Variants in HGS observed in about 807,000 individuals in gnomAD.
HGS encodes human growth factor-regulated tyrosine kinase substrate.
Under a neutral mutation model 109.7 loss-of-function variants are expected in HGS, and 63 were observed. The observed-to-expected ratio is 0.57, with a 90% confidence interval of 0.47 to 0.71. The LOEUF is 0.71. Among genes scored for constraint, HGS ranks in the 30% least tolerant of loss-of-function variants. HGS has a pLI of 0.00. For missense variants in HGS, 995 were observed against 1,068.3 expected, an observed-to-expected ratio of 0.93 and a Z score of 0.96; for synonymous variants, 546 against 437.3, an observed-to-expected ratio of 1.25 and a Z score of -3.10.
At chr17:81,697,349 G>GGCC (rs2037168001) in intron 18 of HGS, 1 of 61,802 alleles carries the variant, frequency 1.6e-5, no homozygotes, top group African/African-American at 7.6e-5. Flanking sequence ...CGTGGCATTT[G>GGCC]CCCCCCCCCC....
rs1276780004 is a variant in HGS at position 81,688,743 on chromosome 17, C to T, written c.331C>T (p.Leu111=). 1 of 1,614,118 alleles carries T rather than the reference C, an allele frequency of 6.2e-7. No homozygotes were observed. The highest frequency in any genetic ancestry group is 8.5e-7 in the Non-Finnish European group (1 of 1,179,992). ...EVNVRNKILY[L]IQAWAHAFRN... ...AAACGTCCGTAACAAGATCCTGTAC[C>T]TGATCCAGGCCTGGGCGCATGCCTT... is the stretch of plus-strand genomic sequence containing the variant. Residue 111 remains leucine, a synonymous_variant, in exon 5 of 22, where the codon CTG becomes TTG. Transcript: ENST00000329138.
rs1298092014 is a variant in HGS, at chr17:81,700,544, C to T, written c.1960C>T (p.Pro654Ser). 1.2e-6 allele frequency: 2 copies of T among 1,610,872 alleles called. No individual in the cohort carries two copies. Among genetic ancestry groups the T allele is most frequent in the South Asian group, 1.1e-5 (1 of 90,774 alleles). The change falls in exon 19 of 22, where the codon CCC becomes TCC. Residue 654 changes from proline to serine, a missense_variant. Coordinates refer to ENST00000329138, the MANE Select transcript of HGS (RefSeq NM_004712.5). Reference sequence around the variant, plus strand: ...GGCGGCCCCCCAGGCCCAGGCCGGACCCACCGCCAGCCCCGCTTACTCATC... The same window carrying T: ...GGCGGCCCCCCAGGCCCAGGCCGGATCCACCGCCAGCCCCGCTTACTCATC... ...AQAAPQAQAGPTASPAYSSYQ... is the reference protein window; with the variant it reads ...AQAAPQAQAGSTASPAYSSYQ...
rs1476517329 is a variant in HGS, at chr17:81,700,738, A to G, written c.2060A>G (p.Gln687Arg). 8 of 1,611,318 alleles carry G rather than the reference A, an allele frequency of 5.0e-6. No homozygotes were observed. Among genetic ancestry groups the G allele is most frequent in the South Asian group, 1.1e-5 (1 of 91,006 alleles). Reference protein sequence around the residue: ...QAPQSLPAISQPPQSSTMGYM... With the variant: ...QAPQSLPAISRPPQSSTMGYM... ...CCACAGAGCCTCCCGGCCATCTCTC[A>G]GCCTCCGCAGTCCAGCACCATGGGC... The change falls in exon 20 of 22, where the codon CAG becomes CGG. Residue 687 changes from glutamine (Q) to arginine (R), a missense_variant. Around this residue, in one of 6 missense-constraint regions of HGS, gnomAD observed 326 missense variants for 309.7 expected, o/e 1.05. Coordinates refer to ENST00000329138, the MANE Select transcript of HGS (RefSeq NM_004712.5).
chr17:81,685,783 AC>A, intron 2 of HGS, 94 bp downstream of exon 2: 1 of 889,118 alleles, frequency 1.1e-6, no homozygotes, highest in Non-Finnish European at 1.8e-6. Context: ...GACGTAGCTG[AC>A]CGTGTTAGGC....
At position 81,693,870 on chromosome 17, in the gene HGS, A is replaced by G; in HGVS notation, c.841A>G (p.Arg281Gly). The G allele has an allele frequency of 6.2e-6, 10 of 1,606,462 alleles. No homozygotes were observed. The highest frequency in any genetic ancestry group is 1.3e-5 in the African/African-American group (1 of 74,792). ...GACGCCCCTTCTGATTCTGCCTCAG[A>G]GACAGAAGTCCACGTACACTTCGTA... ...QSEAEEKERL[R>G]QKSTYTSYPK... Residue 281 changes from arginine (R) to glycine (G), a missense_variant and splice_region_variant, in exon 11 of 22, where the codon AGA (arginine) becomes GGA (glycine). By Grantham distance (125) the Arg-to-Gly change is moderately radical. Around this residue, in one of 6 missense-constraint regions of HGS, gnomAD observed 300 missense variants for 235.4 expected, o/e 1.27. Transcript: ENST00000329138.
chr17:81,687,563 A>G (rs2036999204), intron 4 of HGS, among the ~76,000 whole-genome samples: 1 of 152,118 alleles, frequency 6.6e-6, no homozygotes, highest in African/African-American at 2.4e-5. Flanking sequence ...TGGCGGGGAT[A>G]AGAGCTGTTT....
At position 81,687,771 on chromosome 17, in the gene HGS, C is replaced by CTGTGTG. The variant is rs1486320260; in HGVS notation, c.291+679_291+680insGTGTGT. On this transcript the variant is annotated intron_variant, in intron 4 of 21. Transcript: ENST00000329138. ...CCCATGTAGTCAGGCTGCTCCCCTT[C>CTGTGTG]TGTCCCAACCTGTGGGCCAGACCTG... is the stretch of plus-strand genomic sequence containing the variant. Among the ~76,000 whole-genome samples, 9 of 152,160 alleles carry CTGTGTG rather than the reference C, an allele frequency of 5.9e-5. 1 individual carries two copies. Among genetic ancestry groups the CTGTGTG allele is most frequent in the Admixed American group, 5.9e-4 (9 of 15,282 alleles).
In HGS at chr17:81,696,723, C is replaced by T. The variant is rs371274871; in HGVS notation, c.1683C>T (p.Pro561=). The T allele has an allele frequency of 9.6e-5, 154 of 1,607,788 alleles. 1 individual carries two copies. The highest frequency in any genetic ancestry group is 5.1e-4 in the South Asian group (46 of 90,844). ...CGGTCCAGATGCGCGCGCAGATGCC[C>T]GCCTTCCCCCTGCCCTACGCCCAGG... The part of the protein sequence containing the change: ...KQTVQMRAQM[P]AFPLPYAQLQ... The change falls in exon 17 of 22, where the codon CCC becomes CCT. Residue 561 remains proline (P), a synonymous_variant. Coordinates refer to ENST00000329138, the MANE Select transcript of HGS (RefSeq NM_004712.5).
In HGS at chr17:81,688,775, C is replaced by G. The variant is rs142636777; in HGVS notation, c.363C>G (p.Asn121Lys). 6.2e-7 allele frequency: 1 copy of G among 1,614,000 alleles called. No individual in the cohort carries two copies. The highest frequency in any genetic ancestry group is 1.3e-5 in the African/African-American group (1 of 74,942). Reference protein sequence around the residue: ...LIQAWAHAFRNEPKYKVVQDT... With the variant: ...LIQAWAHAFRKEPKYKVVQDT... Reference sequence around the variant, plus strand: ...AGGCCTGGGCGCATGCCTTCCGGAACGAGCCCAAGTACAAGGTGGTCCAGG... The same window carrying G: ...AGGCCTGGGCGCATGCCTTCCGGAAGGAGCCCAAGTACAAGGTGGTCCAGG... The change falls in exon 5 of 22, where the codon AAC becomes AAG. Residue 121 changes from asparagine to lysine, a missense_variant. By Grantham distance (94) the Asn-to-Lys change is moderately conservative. Transcript: ENST00000329138.
In HGS at chr17:81,684,206, C is replaced by T. The variant is rs2036931088; in HGVS notation, c.37+103C>T. On this transcript the variant is annotated intron_variant, in intron 1 of 21. Transcript: ENST00000329138. ...GGGCCCGAGGGGCGCGGACCGGCCG[C>T]CCTGCCCGCCTCTCCCCGGCCCGCT... is the stretch of plus-strand genomic sequence containing the variant. The T allele has an allele frequency of 3.8e-6, 4 of 1,061,344 alleles. No individual in the cohort carries two copies. In the African/African-American group the frequency reaches 5.1e-5, roughly 13 times the overall value. The allele number at this position is 1,061,344 out of a possible 1,614,324, so 65.7% of individuals were successfully genotyped here. A position where few individuals can be genotyped will look rare whatever the true frequency, so the allele number is the denominator to read the frequency against.
intron 4 of HGS, 54 bp downstream of exon 4, chr17:81,687,149 C>G (rs764026425): frequency 7.9e-7 from 1 of 1,268,162 alleles, no homozygotes; most frequent in Non-Finnish European, 1.1e-6. Flanking sequence ...CTTTGCTTCT[C>G]CGGGTGTTTA....
chr17:81,699,618 GT>G lies in HGS; in HGVS notation c.1883-845del, dbSNP rs1271679546. 2.6e-5 allele frequency among the ~76,000 whole-genome samples: 4 copies of G among 152,238 alleles called. No homozygotes were observed. In the East Asian group the frequency reaches 5.8e-4, roughly 22 times the overall value. On this transcript the variant is annotated intron_variant, in intron 18 of 21. Coordinates refer to ENST00000329138, the MANE Select transcript of HGS (RefSeq NM_004712.5). ...TTTTTGTATTTTTATTAGAGACAGG[GT>G]TTTACTATGTTAGACAGCCTGGTCT...
In HGS at chr17:81,701,662, C is replaced by G. The variant is rs1303488114; in HGVS notation, c.*44C>G. The G allele has an allele frequency of 5.3e-6, 8 of 1,514,324 alleles. No individual in the cohort carries two copies. Among genetic ancestry groups the G allele is most frequent in the Non-Finnish European group, 6.2e-6 (7 of 1,128,912 alleles). The allele number at this position is 1,514,324 out of a possible 1,614,324, so 93.8% of individuals were successfully genotyped here. A position where few individuals can be genotyped will look rare whatever the true frequency, so the allele number is the denominator to read the frequency against. On this transcript the variant is annotated 3_prime_UTR_variant, in exon 22 of 22. Coordinates refer to ENST00000329138, the MANE Select transcript of HGS (RefSeq NM_004712.5). ...CCGGAGTAACACTACATACAGTTCA[C>G]CTGAAACGCCTCGTCTCTAACTGCC... is the stretch of plus-strand genomic sequence containing the variant.
Position 81,695,015 on chromosome 17 carries a change from A to G in HGS, c.1067A>G (p.Glu356Gly), listed in dbSNP as rs2037122024. The change falls in exon 13 of 22, where the codon GAG becomes GGG. Residue 356 changes from glutamate to glycine, a missense_variant. Around this residue, in one of 6 missense-constraint regions of HGS, gnomAD observed 300 missense variants for 235.4 expected, o/e 1.27. Coordinates refer to ENST00000329138, the MANE Select transcript of HGS (RefSeq NM_004712.5). Reference sequence around the variant, plus strand: ...CCATCTGCGCCCGTGCCCCTGACGGAGCCGGCTGCACAGCCTGGGGAAGGG... The same window carrying G: ...CCATCTGCGCCCGTGCCCCTGACGGGGCCGGCTGCACAGCCTGGGGAAGGG... ...PTPSAPVPLT[E>G]PAAQPGEGHA... 1 of 1,614,018 alleles carries G rather than the reference A, an allele frequency of 6.2e-7. No homozygotes were observed. The highest frequency in any genetic ancestry group is 8.5e-7 in the Non-Finnish European group (1 of 1,180,004).
Position 81,699,968 on chromosome 17 carries a change from G to C in HGS, c.1883-499G>C, listed in dbSNP as rs562222108. The stretch of plus-strand genomic sequence containing the variant: ...TGCACGCCTGTAATCCCAGCTGCTC[G>C]GGAGGCTGAGGCAGGAGAATTGCTT... On this transcript the variant is annotated intron_variant, in intron 18 of 21. Coordinates refer to ENST00000329138, the MANE Select transcript of HGS (RefSeq NM_004712.5). 5.3e-5 allele frequency among the ~76,000 whole-genome samples: 8 copies of C among 152,112 alleles called. No individual in the cohort carries two copies. The South Asian group carries it at 1.7e-3, about 32-fold the overall frequency.
chr17:81,685,019 C>T, intron 1 of HGS: 1 of 985,382 alleles, frequency 1.0e-6, no homozygotes, highest in Middle Eastern at 5.2e-4. Flanking sequence ...TGGAGCTGCC[C>T]CCCCAGAGGG....
chr17:81,685,501 C>G, intron 1 of HGS, 104 bp from the exon 2 acceptor site: 1 of 696,656 alleles, frequency 1.4e-6, no homozygotes, highest in Non-Finnish European at 2.5e-6. Context: ...GTCCAAATGT[C>G]TAAAGGGGAA....
At chr17:81,690,522 C>A in intron 6 of HGS, 152 bp from the exon 7 acceptor site, 1 of 706,384 alleles carries the variant, frequency 1.4e-6, no homozygotes, top group Non-Finnish European at 2.3e-6. Flanking sequence ...TCACCCCAGG[C>A]CACGCCGCTG....
Position 81,691,216 on chromosome 17 carries a change from C to G in HGS, c.538-231C>G. 5.4e-6 allele frequency: 3 copies of G among 552,312 alleles called. No homozygotes were observed. Among genetic ancestry groups the G allele is most frequent in the Non-Finnish European group, 9.8e-6 (3 of 307,464 alleles). 34.2% of individuals were successfully genotyped at this position (552,312 alleles called of 1,614,324 possible). On this transcript the variant is annotated intron_variant, in intron 7 of 21. Coordinates refer to ENST00000329138, the MANE Select transcript of HGS (RefSeq NM_004712.5). The surrounding 1 kb of genome is among the most constrained non-coding windows in gnomAD (Gnocchi z 5.3). ...AATTGATGTGTATTTTTTCCTTGCCCTTACTTTTAACTTACCTTATTTTCC... is the reference window on the plus strand; with the variant it reads ...AATTGATGTGTATTTTTTCCTTGCCGTTACTTTTAACTTACCTTATTTTCC...
Sources: allele counts gnomAD v4.1 joint callset (sites outside exome capture counted in the v4.1 genomes callset), GRCh38; gene constraint gnomAD v4.1.1; regional missense constraint gnomAD v4.1.1; non-coding constraint Gnocchi (gnomAD v3.1); transcripts MANE v1.5; gene names NCBI Gene and HGNC (gene_info 2026-07-23, HGNC 2026-07-21).